Variants in PRDX5 observed in about 807,000 individuals in gnomAD.
PRDX5 encodes peroxiredoxin 5.
In PRDX5, 21 loss-of-function variants were observed where a neutral mutation model predicts 23.8. The ratio of observed to expected loss-of-function variants is 0.88; its 90% CI spans 0.63 to 1.27. The LOEUF (loss-of-function observed/expected upper bound fraction) is 1.27. PRDX5 is among the 50% of genes most tolerant of loss of function. The pLI, the probability that PRDX5 is intolerant of heterozygous loss-of-function variation, is 0.00. For missense variants in PRDX5, 261 were observed against 270.6 expected (o/e 0.96, Z 0.25); for synonymous variants, 111 against 113.3 (o/e 0.98, Z 0.13).
At position 64,321,668 on chromosome 11, in the gene PRDX5, C is replaced by A; in HGVS notation, c.622C>A (p.Pro208Thr). The part of the protein sequence containing the change: ...DGTGLTCSLA[P>T]NIISQL ...CACAGGCCTCACCTGCAGCCTGGCACCCAATATCATCTCACAGCTCTGAGG... is the reference window on the plus strand; with the variant it reads ...CACAGGCCTCACCTGCAGCCTGGCAACCAATATCATCTCACAGCTCTGAGG... Residue 208 changes from proline (P) to threonine (T), a missense_variant, in exon 6 of 6, where the codon CCC becomes ACC. Physicochemically the swap from Pro to Thr is conservative, Grantham distance 38. Transcript: ENST00000265462. The A allele has an allele frequency of 1.3e-6, 2 of 1,595,696 alleles. No individual in the cohort carries two copies. Among genetic ancestry groups the A allele is most frequent in the Non-Finnish European group, 1.7e-6 (2 of 1,171,354 alleles).
rs756150774 is a variant in PRDX5, at chr11:64,318,377, C to A, written c.162C>A (p.Ala54=). ...RSFSRAAAAM[A]PIKVGDAIPA... is the part of the protein sequence containing the mutation. ...TCAGCAGAGCCGCTGCAGCCATGGC[C>A]CCAATCAAGGTGACCGCTGGCCCGG... The change falls in exon 1 of 6, where the codon GCC becomes GCA. Residue 54 remains alanine (A), a synonymous_variant. Transcript: ENST00000265462. The A allele has an allele frequency of 5.0e-6, 8 of 1,607,596 alleles. No homozygotes were observed. In the South Asian group the frequency reaches 6.6e-5, roughly 13 times the overall value.
intron 1 of PRDX5, among the ~76,000 whole-genome samples, chr11:64,319,453 T>C (rs1591255936): frequency 6.6e-6 from 1 of 152,200 alleles, no homozygotes; most frequent in African/African-American, 2.4e-5. Flanking sequence ...AGACAGCATG[T>C]TATGCAACCC....
rs748462954 is a variant in PRDX5, at chr11:64,318,393, G to C, written c.171+7G>C. 7 of 1,600,384 alleles carry C rather than the reference G, an allele frequency of 4.4e-6. No homozygotes were observed. The East Asian group carries it at 1.6e-4, about 36-fold the overall frequency. On this transcript the variant is annotated splice_region_variant and intron_variant, in intron 1 of 5. Transcript: ENST00000265462. ...AGCCATGGCCCCAATCAAGGTGACC[G>C]CTGGCCCGGCCGGGCCTGACATCCC...
chr11:64,321,522 CT>C, intron 5 of PRDX5, 63 bp from the exon 6 acceptor site: 1 of 1,581,734 alleles, frequency 6.3e-7, no homozygotes, highest in Non-Finnish European at 8.6e-7. Flanking sequence ...TGTTCACTGC[CT>C]GTCTCCATGC....
chr11:64,319,422 T>C (rs2035427303), intron 1 of PRDX5, among the ~76,000 whole-genome samples: 1 of 152,168 alleles, frequency 6.6e-6, no homozygotes, highest in African/African-American at 2.4e-5. Context: ...TCCATTTTAT[T>C]CCACTCCTTT....
chr11:64,318,324 G>A lies in PRDX5; in HGVS notation c.109G>A (p.Glu37Lys). ...AAAARRYSEG[E>K]WASGGVRSFS... Reference sequence around the variant, plus strand: ...GGCAGCAAGACGGTACAGTGAAGGAGAGTGGGCGTCTGGCGGGGTCCGCAG... The same window carrying A: ...GGCAGCAAGACGGTACAGTGAAGGAAAGTGGGCGTCTGGCGGGGTCCGCAG... The change falls in exon 1 of 6, where the codon GAG (glutamate) becomes AAG (lysine). Residue 37 changes from glutamate to lysine, a missense_variant. Transcript: ENST00000265462. 6.2e-7 allele frequency: 1 copy of A among 1,612,732 alleles called. No individual in the cohort carries two copies. The highest frequency in any genetic ancestry group is 8.5e-7 in the Non-Finnish European group (1 of 1,179,820).
At chr11:64,318,434 C>T (rs1388451138) in intron 1 of PRDX5, 48 bp downstream of exon 1, 3 of 1,555,786 alleles carry the variant, frequency 1.9e-6, no homozygotes, top group Non-Finnish European at 2.6e-6. Flanking sequence ...ACCCCCATGG[C>T]AATCCCCGTC....
intron 1 of PRDX5, among the ~76,000 whole-genome samples, chr11:64,318,982 C>G (rs1457583227): frequency 6.6e-6 from 1 of 151,848 alleles, no homozygotes; most frequent in Non-Finnish European, 1.5e-5. Context: ...ACTCCATGAC[C>G]TCCCCTCCCC....
At position 64,320,764 on chromosome 11, in the gene PRDX5, G is replaced by A. The variant is rs1256501091; in HGVS notation, c.410G>A (p.Trp137Ter). Residue 137 changes from tryptophan (W) to a stop codon, truncating the protein, a stop_gained, in exon 3 of 6, where the codon TGG becomes TAG. Transcript: ENST00000265462. LOFTEE classifies it high-confidence loss of function. ...AATGATGCCTTTGTGACTGGCGAGTGGGGCCGAGCCCACAAGGCGGAAGGC... is the reference window on the plus strand; with the variant it reads ...AATGATGCCTTTGTGACTGGCGAGTAGGGCCGAGCCCACAAGGCGGAAGGC... The part of the protein sequence containing the change: ...SVNDAFVTGE[W>*]GRAHKAEGKV... 3.1e-6 allele frequency: 5 copies of A among 1,614,030 alleles called. No individual in the cohort carries two copies. Among genetic ancestry groups the A allele is most frequent in the Non-Finnish European group, 4.2e-6 (5 of 1,180,006 alleles).
At position 64,321,723 on chromosome 11, in the gene PRDX5, C is replaced by T. The variant is rs2035505609; in HGVS notation, c.*32C>T. ...GGGCCAGATTACTTCCTCCACCCCT[C>T]CCTATCTCACCTGCCCAGCCCTGTG... On this transcript the variant is annotated 3_prime_UTR_variant, in exon 6 of 6. Coordinates refer to ENST00000265462, the MANE Select transcript of PRDX5 (RefSeq NM_012094.5). 1 of 1,541,432 alleles carries T rather than the reference C, an allele frequency of 6.5e-7. No homozygotes were observed. Among genetic ancestry groups the T allele is most frequent in the Admixed American group, 2.0e-5 (1 of 50,448 alleles).
Position 64,318,145 on chromosome 11 carries a change from C to T in PRDX5, c.-71C>T, listed in dbSNP as rs905393225. ...CCTTCCGCAGGGTGTCGCCGCTGTG[C>T]CGCTAGCGGTGCCCCGCCTGCTGCG... is the stretch of plus-strand genomic sequence containing the variant. On this transcript the variant is annotated 5_prime_UTR_variant, in exon 1 of 6. Transcript: ENST00000265462. 1.9e-6 allele frequency: 3 copies of T among 1,590,322 alleles called. No individual in the cohort carries two copies. The highest frequency in any genetic ancestry group is 2.7e-5 in the African/African-American group (2 of 74,070).
Position 64,321,712 on chromosome 11 carries a change from C to T in PRDX5, c.*21C>T, listed in dbSNP as rs2135281527. 2 of 1,546,954 alleles carry T rather than the reference C, an allele frequency of 1.3e-6. No homozygotes were observed. Among genetic ancestry groups the T allele is most frequent in the South Asian group, 1.2e-5 (1 of 84,216 alleles). On this transcript the variant is annotated 3_prime_UTR_variant, in exon 6 of 6. Transcript: ENST00000265462. ...TCTGAGGCCCTGGGCCAGATTACTT[C>T]CTCCACCCCTCCCTATCTCACCTGC...
Position 64,320,008 on chromosome 11 carries a change from G to A in PRDX5, c.306+140G>A, listed in dbSNP as rs2035448741. On this transcript the variant is annotated intron_variant, in intron 2 of 5. Transcript: ENST00000265462. Reference sequence around the variant, plus strand: ...AGTAGAGCTGGGTAGAGCTGGGCGCGGTGGCTCACGCCTGTAATCCCAGCA... The same window carrying A: ...AGTAGAGCTGGGTAGAGCTGGGCGCAGTGGCTCACGCCTGTAATCCCAGCA... 6 of 1,258,712 alleles carry A rather than the reference G, an allele frequency of 4.8e-6. No individual in the cohort carries two copies. The Admixed American group carries it at 8.5e-5, about 18-fold the overall frequency. 78.0% of individuals were successfully genotyped at this position (1,258,712 alleles called of 1,614,324 possible).
At chr11:64,320,343 T>A (rs891467186) in intron 2 of PRDX5, among the ~76,000 whole-genome samples, 1 of 150,786 alleles carries the variant, frequency 6.6e-6, no homozygotes, top group Non-Finnish European at 1.5e-5. Flanking sequence ...CCAGGAATGT[T>A]GGAGAAAAAC....
chr11:64,321,144 G>C, intron 5 of PRDX5, 76 bp downstream of exon 5: 2 of 1,485,386 alleles, frequency 1.3e-6, no homozygotes, highest in Non-Finnish European at 1.9e-6. Flanking sequence ...CCTCTGTGGA[G>C]AGGGTCCTCT....
In PRDX5 at chr11:64,320,858, T is replaced by G. The variant is rs1482331540; in HGVS notation, c.439-7T>G. On this transcript the variant is annotated splice_polypyrimidine_tract_variant and splice_region_variant and intron_variant, in intron 3 of 5. Transcript: ENST00000265462. Reference sequence around the variant, plus strand: ...TATTCTTCTTGTGACCTTTACTTTCTCTGCAGGTTCGGCTCCTGGCTGATC... The same window carrying G: ...TATTCTTCTTGTGACCTTTACTTTCGCTGCAGGTTCGGCTCCTGGCTGATC... 6.2e-7 allele frequency: 1 copy of G among 1,614,190 alleles called. No homozygotes were observed. Among genetic ancestry groups the G allele is most frequent in the Admixed American group, 1.7e-5 (1 of 60,020 alleles).
rs761979554 is a variant in PRDX5, at chr11:64,318,146, C to A, written c.-70C>A. On this transcript the variant is annotated 5_prime_UTR_variant, in exon 1 of 6. Transcript: ENST00000265462. Reference sequence around the variant, plus strand: ...CTTCCGCAGGGTGTCGCCGCTGTGCCGCTAGCGGTGCCCCGCCTGCTGCGG... The same window carrying A: ...CTTCCGCAGGGTGTCGCCGCTGTGCAGCTAGCGGTGCCCCGCCTGCTGCGG... 69 of 1,592,692 alleles carry A rather than the reference C, an allele frequency of 4.3e-5. No homozygotes were observed. The highest frequency in any genetic ancestry group is 5.6e-5 in the Non-Finnish European group (66 of 1,171,694).
intron 1 of PRDX5, 62 bp downstream of exon 1, chr11:64,318,448 C>CTAGT: frequency 6.5e-7 from 1 of 1,536,898 alleles, no homozygotes; most frequent in Non-Finnish European, 8.7e-7. Flanking sequence ...CCCCGTCCCG[C>CTAGT]TAGTCTGAGA....
At position 64,320,868 on chromosome 11, in the gene PRDX5, C is replaced by T. The variant is rs768889969; in HGVS notation, c.442C>T (p.Arg148Trp). 10 of 1,614,188 alleles carry T rather than the reference C, an allele frequency of 6.2e-6. 1 individual carries two copies. Among genetic ancestry groups the T allele is most frequent in the South Asian group, 4.4e-5 (4 of 91,078 alleles). ...GRAHKAEGKVRLLADPTGAFG... is the reference protein window; with the variant it reads ...GRAHKAEGKVWLLADPTGAFG... ...GTGACCTTTACTTTCTCTGCAGGTT[C>T]GGCTCCTGGCTGATCCCACTGGGGC... Residue 148 changes from arginine (R) to tryptophan (W), a missense_variant, in exon 4 of 6, where the codon CGG becomes TGG. Coordinates refer to ENST00000265462, the MANE Select transcript of PRDX5 (RefSeq NM_012094.5).
Sources: allele counts gnomAD v4.1 joint callset (sites outside exome capture counted in the v4.1 genomes callset), GRCh38; gene constraint gnomAD v4.1.1; transcripts MANE v1.5; gene names NCBI Gene and HGNC (gene_info 2026-07-23, HGNC 2026-07-21).